The following PLEKHG1 variants were observed in gnomAD, a reference collection of about 807,000 sequenced individuals.
PLEKHG1 encodes pleckstrin homology domain-containing family G member 1.
PLEKHG1 carries 44 observed loss-of-function variants against 100.8 expected under a neutral mutation model. That is an observed-to-expected ratio of 0.44 (90% CI 0.34 to 0.56). The LOEUF (loss-of-function observed/expected upper bound fraction) is 0.56, where lower values mean the gene tolerates loss of function less well. Ranked by LOEUF, PLEKHG1 falls within the 20% of genes least tolerant of loss-of-function variation. The pLI is 0.01. For missense variants in PLEKHG1, 1,545 were observed against 1,720.9 expected, an observed-to-expected ratio of 0.90 and a Z score of 1.81; for synonymous variants, 640 against 662.5, an observed-to-expected ratio of 0.97 and a Z score of 0.52.
At chr6:150,722,349 C>CTTTTTTTTTTTTTTTT (rs139069069) in intron 1 of PLEKHG1, among the ~76,000 whole-genome samples, 63 of 90,582 alleles carry the variant, frequency 7.0e-4, no homozygotes, top group Non-Finnish European at 1.0e-3. Context: ...TTTTTCTTTT[C>CTTTTTTTTTTTTTTTT]TTTTTTTTTT....
chr6:150,670,642 G>C (rs1779551816), intron 3 of PLEKHG1, among the ~76,000 whole-genome samples: 1 of 152,208 alleles, frequency 6.6e-6, no homozygotes, highest in Admixed American at 6.5e-5. Context: ...CCTGGGAAGA[G>C]TGGGGAAACC....
rs745824346 is a variant in PLEKHG1 at position 150,681,250 on chromosome 6, G to A, written c.-99+30464G>A. Among the ~76,000 whole-genome samples the A allele has an allele frequency of 1.1e-4, 17 of 152,236 alleles. 1 individual carries two copies. The South Asian group carries it at 2.1e-3, about 19-fold the overall frequency. ...AAAGAAAGGATAATAGGCCGGGCGTGGTGGCTCATGCCTGTAATCCCAGCA... is the reference window on the plus strand; with the variant it reads ...AAAGAAAGGATAATAGGCCGGGCGTAGTGGCTCATGCCTGTAATCCCAGCA... On this transcript the variant is annotated intron_variant, in intron 3 of 3. Coordinates refer to the PLEKHG1 transcript ENST00000367326.
exon 2 of PLEKHG1, chr6:150,733,948 G>A (rs148388247): frequency 3.7e-6 from 6 of 1,614,204 alleles, no homozygotes; most frequent in East Asian, 4.5e-5. Context: ...CACCCAGAGC[G>A]CAGTGGAGAG....
In PLEKHG1 at chr6:150,743,705, CT is replaced by C. The variant is rs369696417; in HGVS notation, c.411+9614del. ...TCTCCCTTCTTCTATGTCTCCACCC[CT>C]ATTCCCTACCCTTTCTCCCATCATT... On this transcript the variant is annotated intron_variant, in intron 2 of 15. Transcript: ENST00000358517. 5.9e-5 allele frequency among the ~76,000 whole-genome samples: 9 copies of C among 152,326 alleles called. No homozygotes were observed. The East Asian group carries it at 1.2e-3, about 20-fold the overall frequency.
intron 11 of PLEKHG1, among the ~76,000 whole-genome samples, chr6:150,818,489 C>A (rs920993116): frequency 2.0e-5 from 3 of 152,208 alleles, no homozygotes; most frequent in African/African-American, 7.2e-5. Flanking sequence ...CCAGGGTCAA[C>A]TCTACCCCTA....
chr6:150,734,980 A>ATT lies in PLEKHG1; in HGVS notation c.411+910_411+911dup, dbSNP rs397888221. 3.0e-3 allele frequency among the ~76,000 whole-genome samples: 304 copies of ATT among 102,848 alleles called. 4 individuals are homozygous for ATT. The highest frequency in any genetic ancestry group is 0.023 in the South Asian group (65 of 2,842). The allele number at this position is 102,848 out of a possible 152,430, so 67.5% of individuals were successfully genotyped here. On this transcript the variant is annotated intron_variant, in intron 2 of 15. Transcript: ENST00000358517. Reference sequence around the variant, plus strand: ...AAAAATATTACTATCTCAAGGGCAGATTTTTTTTTTTTTTTTTTTTTTTGA... The same window carrying ATT: ...AAAAATATTACTATCTCAAGGGCAGATTTTTTTTTTTTTTTTTTTTTTTTTGA...
At chr6:150,665,007 C>A (rs532675287) in intron 3 of PLEKHG1, among the ~76,000 whole-genome samples, 1 of 152,084 alleles carries the variant, frequency 6.6e-6, no homozygotes, top group African/African-American at 2.4e-5. Flanking sequence ...AAGCTGCTGG[C>A]GAGGACAGCT....
In PLEKHG1 at chr6:150,832,052, C is replaced by T. The variant is rs148507761; in HGVS notation, c.2941C>T (p.Arg981Trp). The change falls in exon 15 of 16, where the codon CGG (arginine) becomes TGG (tryptophan). Residue 981 changes from arginine to tryptophan, a missense_variant. By Grantham distance (101) the Arg-to-Trp change is moderately radical. Coordinates refer to ENST00000358517, the Ensembl canonical transcript of PLEKHG1. ...AAAAAGCAGGGTGTTTATGATGGCT[C>T]GGCAGTACAGTCAGAAGATTAAGAA... The T allele has an allele frequency of 1.2e-4, 197 of 1,613,990 alleles. No individual in the cohort carries two copies. The highest frequency in any genetic ancestry group is 4.9e-4 in the Middle Eastern group (3 of 6,062).
chr6:150,685,441 G>T (rs1214837316), intron 3 of PLEKHG1, among the ~76,000 whole-genome samples: 2 of 152,166 alleles, frequency 1.3e-5, no homozygotes, highest in Non-Finnish European at 2.9e-5. Context: ...TCCCACTCCA[G>T]TGAGGAAGGA....
At chr6:150,646,727 T>C (rs551192142) in intron 2 of PLEKHG1, among the ~76,000 whole-genome samples, 5 of 152,188 alleles carry the variant, frequency 3.3e-5, no homozygotes, top group Non-Finnish European at 1.5e-5. Context: ...CTCTCCAAGA[T>C]GACAGGTAGG....
chr6:150,840,733 A>AG lies in PLEKHG1; in HGVS notation c.3996dup (p.Pro1333AlafsTer3). 1 of 1,614,224 alleles carries AG rather than the reference A, an allele frequency of 6.2e-7. No homozygotes were observed. Among genetic ancestry groups the AG allele is most frequent in the East Asian group, 2.2e-5 (1 of 44,892 alleles). On this transcript the variant is annotated frameshift_variant, in exon 16 of 16. Transcript: ENST00000358517. LOFTEE classifies it high-confidence loss of function. ...TTGAATAGTCCGCGCACTCCAAAAA[A>AG]GCCGGTTAACAGCAAACTTGGCCTT...
At chr6:150,733,375 G>A (rs1475625773) in intron 1 of PLEKHG1, among the ~76,000 whole-genome samples, 5 of 152,098 alleles carry the variant, frequency 3.3e-5, no homozygotes, top group African/African-American at 9.7e-5. Context: ...GTCAGAGCCC[G>A]AGACACCACA....
intron 4 of PLEKHG1, among the ~76,000 whole-genome samples, chr6:150,787,014 G>C (rs1275596127): frequency 1.5e-5 from 2 of 133,998 alleles, no homozygotes; most frequent in African/African-American, 5.7e-5. Context: ...TGGGTGACAA[G>C]AGTGAGACTC....
At chr6:150,764,118 T>TTTC (rs1554269624) in intron 2 of PLEKHG1, among the ~76,000 whole-genome samples, 1 of 68,266 alleles carries the variant, frequency 1.5e-5, no homozygotes, top group East Asian at 7.9e-4. Flanking sequence ...TTTCTTTTTC[T>TTTC]TTTTCTTTTT....
chr6:150,628,179 G>C (rs1174345909), intron 1 of PLEKHG1, among the ~76,000 whole-genome samples: 1 of 152,180 alleles, frequency 6.6e-6, no homozygotes, highest in Non-Finnish European at 1.5e-5. Context: ...CAGAGGGAAG[G>C]CTGTTGCTGC....
chr6:150,795,750 T>C, intron 4 of PLEKHG1, 106 bp from the exon 6 acceptor site: 1 of 560,512 alleles, frequency 1.8e-6, no homozygotes, highest in East Asian at 3.1e-5. Flanking sequence ...CATATATATA[T>C]ATATATAAAT....
At chr6:150,819,492 G>A (rs1206303186) in intron 11 of PLEKHG1, among the ~76,000 whole-genome samples, 187 bp from the exon 13 acceptor site, 1 of 152,082 alleles carries the variant, frequency 6.6e-6, no homozygotes, top group Non-Finnish European at 1.5e-5. Context: ...TTGAACTTGG[G>A]AGGTGGAGGT....
chr6:150,617,059 T>G (rs1476012818), intron 1 of PLEKHG1, among the ~76,000 whole-genome samples: 1 of 152,246 alleles, frequency 6.6e-6, no homozygotes, highest in Non-Finnish European at 1.5e-5. Context: ...TAATGTAAGT[T>G]GTATATTTTC....
intron 1 of PLEKHG1, among the ~76,000 whole-genome samples, chr6:150,627,410 T>C (rs948358241): frequency 1.3e-5 from 2 of 152,196 alleles, no homozygotes; most frequent in African/African-American, 4.8e-5. Context: ...TATCAGGGTT[T>C]CTTCCACTCA....
Sources: gnomAD v4.1 joint callset for allele counts (sites outside exome capture counted in the v4.1 genomes callset) on GRCh38, gnomAD v4.1.1 for gene constraint, MANE v1.5 for transcripts, NCBI Gene and HGNC (gene_info 2026-07-23, HGNC 2026-07-21) for gene names.